Variants in RNGTT observed in about 807,000 individuals in gnomAD.
The protein encoded by RNGTT is RNA guanylyltransferase and 5'-phosphatase.
RNGTT carries 33 observed loss-of-function variants against 79.3 expected under a neutral mutation model. That is an observed-to-expected ratio of 0.42 (90% confidence interval 0.32 to 0.56). The LOEUF is 0.56. Among genes scored for constraint, RNGTT ranks in the 20% least tolerant of loss-of-function variants. RNGTT has a pLI of 0.17. For missense variants in RNGTT, 497 were observed against 739.1 expected, an observed-to-expected ratio of 0.67 and a Z score of 3.80; for synonymous variants, 222 against 235.9, an observed-to-expected ratio of 0.94 and a Z score of 0.54.
chr6:88,670,297 G>C (rs1774585279), intron 14 of RNGTT, among the ~76,000 whole-genome samples: 1 of 152,212 alleles, frequency 6.6e-6, no homozygotes, highest in South Asian at 2.1e-4. Flanking sequence ...AGTAATAACA[G>C]TATTAGGAAC....
Position 88,853,667 on chromosome 6 carries a change from C to A in RNGTT, c.994G>T (p.Asp332Tyr). The A allele has an allele frequency of 6.3e-7, 1 of 1,599,132 alleles. No homozygotes were observed. Among genetic ancestry groups the A allele is most frequent in the Non-Finnish European group, 8.5e-7 (1 of 1,169,744 alleles). ...GTATTTGATAAATGCATACGAAGAT[C>A]TTTACGAAATGGAAATTCCAGATTT... ...VSNLEFPFRK[D>Y]LRMHLSNTLL... is the part of the protein sequence containing the mutation. The change falls in exon 9 of 16, where the codon GAT becomes TAT. Residue 332 changes from aspartate (D) to tyrosine (Y), a missense_variant. Asp to Tyr is a radical substitution (Grantham distance 160). Around this residue, in one of 3 missense-constraint regions of RNGTT, gnomAD observed 440 missense variants for 671.5 expected, o/e 0.66. Transcript: ENST00000369485.
At chr6:88,889,956 G>A (rs919022366) in intron 8 of RNGTT, among the ~76,000 whole-genome samples, 5 of 152,060 alleles carry the variant, frequency 3.3e-5, no homozygotes, top group Non-Finnish European at 7.4e-5. Context: ...TGCCGCCTGG[G>A]TGACAGAGCA....
chr6:88,812,784 T>C lies in RNGTT; in HGVS notation c.1270-11152A>G, dbSNP rs528834207. Among the ~76,000 whole-genome samples the C allele has an allele frequency of 1.4e-4, 21 of 152,348 alleles. No homozygotes were observed. The South Asian group carries it at 4.3e-3, about 32-fold the overall frequency. On this transcript the variant is annotated intron_variant, in intron 11 of 15. Coordinates refer to ENST00000369485, the MANE Select transcript of RNGTT (RefSeq NM_003800.5). ...AAGCTCATGAATTTATGAGTTAATA[T>C]GGACCTAAATACACATAAAATAGTT...
At chr6:88,748,916 C>T (rs553861493) in intron 13 of RNGTT, among the ~76,000 whole-genome samples, 9 of 151,820 alleles carry the variant, frequency 5.9e-5, no homozygotes, top group African/African-American at 2.2e-4. Flanking sequence ...AGTAAATCTA[C>T]AGTACATCAA....
intron 12 of RNGTT, among the ~76,000 whole-genome samples, chr6:88,781,336 G>C (rs986025152): frequency 2.0e-5 from 3 of 152,186 alleles, no homozygotes; most frequent in Admixed American, 6.5e-5. Context: ...TAAAATGTGA[G>C]TAGTTATCAC....
chr6:88,835,330 C>T (rs1781026878), intron 11 of RNGTT, among the ~76,000 whole-genome samples: 1 of 151,964 alleles, frequency 6.6e-6, no homozygotes, highest in South Asian at 2.1e-4. Flanking sequence ...TTCACTAGAT[C>T]CTAACTATAC....
In RNGTT at chr6:88,612,755, T is replaced by C. The variant is rs752658753; in HGVS notation, c.1758A>G (p.Pro586=). The change falls in exon 16 of 16, where the codon CCA becomes CCG. Residue 586 remains proline (P), a synonymous_variant. Transcript: ENST00000369485. ...GGCGTGGTCTTTTGGGAGGTGGTGG[T>C]GGCATGAGCTCCGTGTCAGGGTCCA... ...HHLDPDTELM[P]PPPPKRPRPL... 1 of 1,612,968 alleles carries C rather than the reference T, an allele frequency of 6.2e-7. No individual in the cohort carries two copies. Among genetic ancestry groups the C allele is most frequent in the South Asian group, 1.1e-5 (1 of 91,018 alleles).
At chr6:88,949,277 T>C (rs909245506) in intron 1 of RNGTT, among the ~76,000 whole-genome samples, 1 of 145,986 alleles carries the variant, frequency 6.8e-6, no homozygotes, top group African/African-American at 2.5e-5. Flanking sequence ...TTTTTTTTTT[T>C]TTGAGACAGA....
intron 13 of RNGTT, among the ~76,000 whole-genome samples, chr6:88,698,313 A>G (rs1394884981): frequency 7.4e-6 from 1 of 134,428 alleles, no homozygotes; most frequent in Non-Finnish European, 1.5e-5. Context: ...AAATATATAT[A>G]TGAAATATAT....
intron 10 of RNGTT, among the ~76,000 whole-genome samples, chr6:88,846,722 T>G (rs1435614694): frequency 2.0e-5 from 3 of 150,066 alleles, no homozygotes. Flanking sequence ...ATCATGCCAC[T>G]GCACTCCAGC....
intron 12 of RNGTT, among the ~76,000 whole-genome samples, chr6:88,792,472 T>G (rs1244731709): frequency 6.6e-6 from 1 of 152,244 alleles, no homozygotes; most frequent in African/African-American, 2.4e-5. Context: ...GTATTCTTTC[T>G]TTTAAAGTCA....
At chr6:88,785,735 T>C (rs1311807328) in intron 12 of RNGTT, among the ~76,000 whole-genome samples, 1 of 152,170 alleles carries the variant, frequency 6.6e-6, no homozygotes, top group Non-Finnish European at 1.5e-5. Flanking sequence ...CATTCTAATT[T>C]GTCATGTACT....
chr6:88,848,339 C>T (rs1356838751), intron 10 of RNGTT, among the ~76,000 whole-genome samples: 2 of 151,956 alleles, frequency 1.3e-5, no homozygotes, highest in Non-Finnish European at 2.9e-5. Flanking sequence ...AAAAACACTT[C>T]CCAGGTAATT....
chr6:88,829,729 G>T (rs562940389), intron 11 of RNGTT, among the ~76,000 whole-genome samples: 45 of 149,536 alleles, frequency 3.0e-4, no homozygotes, highest in African/African-American at 9.3e-4. Context: ...AAAAAACCAG[G>T]GGTTGCAATC....
At chr6:88,613,843 T>C (rs1341712472) in intron 15 of RNGTT, among the ~76,000 whole-genome samples, 1 of 152,208 alleles carries the variant, frequency 6.6e-6, no homozygotes, top group Non-Finnish European at 1.5e-5. Context: ...TTTTAAATGG[T>C]TTTCGTTTAC....
At chr6:88,951,251 C>T (rs904586054) in intron 1 of RNGTT, among the ~76,000 whole-genome samples, 6 of 152,130 alleles carry the variant, frequency 3.9e-5, no homozygotes, top group Admixed American at 6.5e-5. Flanking sequence ...TTGCTTCTTA[C>T]AAATGAGCAA....
intron 14 of RNGTT, among the ~76,000 whole-genome samples, chr6:88,654,189 G>C (rs1773895961): frequency 6.6e-6 from 1 of 152,100 alleles, no homozygotes; most frequent in Non-Finnish European, 1.5e-5. Context: ...GTATCCATAA[G>C]GTTTTCCTTT....
At chr6:88,901,961 A>G (rs1192539869) in intron 6 of RNGTT, among the ~76,000 whole-genome samples, 1 of 152,206 alleles carries the variant, frequency 6.6e-6, no homozygotes. Context: ...TGGAACCACA[A>G]AAATACATGA....
At chr6:88,913,238 AAGCCCTAGACCAGATGGATTCCC>A (rs1783894240) in intron 4 of RNGTT, among the ~76,000 whole-genome samples, 2 of 151,034 alleles carry the variant, frequency 1.3e-5, no homozygotes, top group African/African-American at 4.9e-5. Context: ...AAAAAAAAAA[AAGCCCTAGACCAGATGGATTCCC>A]AGCCCAATTC....
Sources: allele counts gnomAD v4.1 joint callset (sites outside exome capture counted in the v4.1 genomes callset), GRCh38; gene constraint gnomAD v4.1.1; regional missense constraint gnomAD v4.1.1; transcripts MANE v1.5; gene names NCBI Gene and HGNC (gene_info 2026-07-23, HGNC 2026-07-21).